CD200R1L: variants seen among roughly 807,000 people sequenced by gnomAD.
The protein encoded by CD200R1L is CD200 receptor 1 like, also known as cell surface glycoprotein CD200 receptor 2.
Under a neutral mutation model 24.8 loss-of-function variants are expected in CD200R1L, and 14 were observed. That is an observed-to-expected ratio of 0.56 (90% CI 0.37 to 0.88). CD200R1L has a LOEUF of 0.88. CD200R1L is among the 40% of genes least tolerant of loss of function. The pLI is 0.00. For synonymous variants in CD200R1L, 111 were observed against 109.2 expected (o/e 1.02, Z -0.11); for missense variants, 299 against 297.8 (o/e 1.00, Z -0.03).
intron 2 of CD200R1L, among the ~76,000 whole-genome samples, chr3:112,838,737 A>G (rs1939017260): frequency 6.6e-6 from 1 of 152,220 alleles, no homozygotes; most frequent in African/African-American, 2.4e-5. Flanking sequence ...GCTAGAGTAT[A>G]GTATTCAATC....
chr3:112,830,117 T>C (rs1251390174), intron 3 of CD200R1L, among the ~76,000 whole-genome samples: 1 of 152,060 alleles, frequency 6.6e-6, no homozygotes, highest in Admixed American at 6.6e-5. Flanking sequence ...TGCAGAAAGG[T>C]AAGGAAAAAG....
intron 2 of CD200R1L, among the ~76,000 whole-genome samples, chr3:112,843,149 G>A (rs1428526616): frequency 6.6e-6 from 1 of 152,074 alleles, no homozygotes; most frequent in Non-Finnish European, 1.5e-5. Flanking sequence ...CATATTTGAG[G>A]ATATAGTCAA....
At position 112,845,645 on chromosome 3, in the gene CD200R1L, T is replaced by G. The variant is rs190873504; in HGVS notation, c.-87+34A>C. On this transcript the variant is annotated intron_variant, in intron 2 of 7. Coordinates refer to ENST00000488794, the MANE Select transcript of CD200R1L (RefSeq NM_001199215.3). Reference sequence around the variant, plus strand: ...TCATAATCATTGAAAGAAAGCTTTATTTTCAGCTGAAAATGTCACAGTATC... The same window carrying G: ...TCATAATCATTGAAAGAAAGCTTTAGTTTCAGCTGAAAATGTCACAGTATC... 604 of 1,565,140 alleles carry G rather than the reference T, an allele frequency of 3.9e-4. 4 individuals carry two copies. The highest frequency in any genetic ancestry group is 8.9e-5 in the Non-Finnish European group (101 of 1,137,968).
intron 7 of CD200R1L, 28 bp downstream of exon 7, chr3:112,819,744 C>A: frequency 6.4e-7 from 1 of 1,571,704 alleles, no homozygotes; most frequent in Non-Finnish European, 8.6e-7. Context: ...TCTACTGTGT[C>A]TTATGCTTTT....
chr3:112,820,982 A>G (rs925275236), intron 6 of CD200R1L, among the ~76,000 whole-genome samples: 9 of 151,342 alleles, frequency 5.9e-5, no homozygotes, highest in African/African-American at 1.9e-4. Flanking sequence ...TCTTGAACCC[A>G]GGAGGCAGAG....
At chr3:112,842,280 TG>T (rs1939100263) in intron 2 of CD200R1L, among the ~76,000 whole-genome samples, 1 of 152,236 alleles carries the variant, frequency 6.6e-6, no homozygotes, top group Non-Finnish European at 1.5e-5. Context: ...GCTGGAGCCG[TG>T]GCAGAGGAAC....
rs1393866849 is a variant in CD200R1L, at chr3:112,846,704, T to C, written c.-438A>G. 6.6e-6 allele frequency: 1 copy of C among 152,224 alleles called. No homozygotes were observed. The highest frequency in any genetic ancestry group is 1.5e-5 in the Non-Finnish European group (1 of 68,038). 9.4% of individuals were successfully genotyped at this position (152,224 alleles called of 1,614,324 possible). ...ATGTGGCCATGCTGAAATAGATTGG[T>C]CCCTAATCCAATATGACTGGCGTCT... On this transcript the variant is annotated 5_prime_UTR_variant, in exon 1 of 8. Transcript: ENST00000488794.
At position 112,840,628 on chromosome 3, in the gene CD200R1L, T is replaced by A. The variant is rs190889679; in HGVS notation, c.-86-2618A>T. On this transcript the variant is annotated intron_variant, in intron 2 of 7. Transcript: ENST00000488794. ...ACTGTATCACTATTCATTTGTTTAG[T>A]GACCTTAAACATGGACCAAATTGTG... Among the ~76,000 whole-genome samples, 153 of 152,282 alleles carry A rather than the reference T, an allele frequency of 1.0e-3. 5 individuals carry two copies. In the South Asian group the frequency reaches 0.025, roughly 25 times the overall value.
At chr3:112,835,207 A>G (rs1938907709) in intron 3 of CD200R1L, among the ~76,000 whole-genome samples, 2 of 152,186 alleles carry the variant, frequency 1.3e-5, no homozygotes, top group Admixed American at 1.3e-4. Flanking sequence ...ATTGAGTGAT[A>G]GAACAGCTCA....
intron 6 of CD200R1L, among the ~76,000 whole-genome samples, chr3:112,824,314 A>G (rs1194064777): frequency 1.3e-5 from 2 of 152,244 alleles, no homozygotes; most frequent in African/African-American, 2.4e-5. Flanking sequence ...TTATCAAGAT[A>G]TAAAATACAG....
rs1938893224 is a variant in CD200R1L, at chr3:112,834,800, A to C, written c.-18+3142T>G. Among the ~76,000 whole-genome samples, 3 of 152,212 alleles carry C rather than the reference A, an allele frequency of 2.0e-5. 1 individual carries two copies. In the South Asian group the frequency reaches 6.2e-4, roughly 32 times the overall value. ...ATCCAACCACTGCACACAGCCAGGC[A>C]CACTACCTGCAGAGGAGTGGGCAGC... On this transcript the variant is annotated intron_variant, in intron 3 of 7. Transcript: ENST00000488794.
intron 2 of CD200R1L, 133 bp downstream of exon 2, chr3:112,845,546 A>C (rs993021392): frequency 4.2e-5 from 30 of 712,328 alleles, no homozygotes; most frequent in Non-Finnish European, 6.6e-5. Flanking sequence ...GTTTTGCTGG[A>C]TAATGTACAC....
intron 2 of CD200R1L, among the ~76,000 whole-genome samples, chr3:112,844,132 G>A (rs1456908865): frequency 2.0e-5 from 3 of 152,220 alleles, no homozygotes; most frequent in Non-Finnish European, 1.5e-5. Flanking sequence ...GACAGTGTTA[G>A]ATCATCAAGG....
intron 2 of CD200R1L, 65 bp from the exon 3 acceptor site, chr3:112,838,075 G>T: frequency 1.8e-6 from 1 of 542,378 alleles, no homozygotes; most frequent in Non-Finnish European, 2.8e-6. Context: ...AAATGGACTA[G>T]AATCCACTGA....
intron 2 of CD200R1L, among the ~76,000 whole-genome samples, chr3:112,839,046 A>AAC (rs1200085641): frequency 2.6e-5 from 4 of 151,898 alleles, no homozygotes; most frequent in South Asian, 2.1e-4. Flanking sequence ...TCCTTGAAAT[A>AAC]ACACACACAC....
At chr3:112,816,978 G>C (rs1011130843) in intron 7 of CD200R1L, among the ~76,000 whole-genome samples, 14 of 152,134 alleles carry the variant, frequency 9.2e-5, no homozygotes, top group Admixed American at 8.5e-4. Flanking sequence ...CAGCCATGTG[G>C]AACTGTGAGT....
At chr3:112,838,099 A>G (rs6770923) in intron 2 of CD200R1L, 89 bp from the exon 3 acceptor site, 112,981 of 382,922 alleles carry the variant, frequency 0.3, 19,503 homozygotes, top group African/African-American at 0.54. Context: ...CATATAAGAT[A>G]ATCACAGAAA....
intron 2 of CD200R1L, among the ~76,000 whole-genome samples, chr3:112,841,562 T>C (rs564560661): frequency 6.6e-6 from 1 of 152,292 alleles, no homozygotes; most frequent in Non-Finnish European, 1.5e-5. Flanking sequence ...AGGTTTGCCA[T>C]CTTTTTCTGA....
intron 1 of CD200R1L, 32 bp from the exon 2 acceptor site, chr3:112,845,982 C>G: frequency 2.4e-6 from 1 of 425,142 alleles, no homozygotes; most frequent in Non-Finnish European, 4.2e-6. Flanking sequence ...CCAATGCTTA[C>G]TACTCATTGC....
Sources: gnomAD v4.1 joint callset for allele counts (sites outside exome capture counted in the v4.1 genomes callset) on GRCh38, gnomAD v4.1.1 for gene constraint, MANE v1.5 for transcripts, NCBI Gene and HGNC (gene_info 2026-07-23, HGNC 2026-07-21) for gene names.